The following GOLGA7B variants were observed in gnomAD, a reference collection of about 807,000 sequenced individuals.
GOLGA7B encodes the protein golgin A7 family member B.
In GOLGA7B, 17 loss-of-function variants were observed where a neutral mutation model predicts 21.5. The ratio of observed to expected loss-of-function variants is 0.79; its 90% CI spans 0.54 to 1.19. GOLGA7B has a LOEUF of 1.19. Among genes scored for constraint, GOLGA7B ranks in the 50% most tolerant of loss-of-function variants. GOLGA7B has a pLI of 0.00. For missense variants in GOLGA7B, 169 were observed against 224.4 expected (o/e 0.75, Z 1.58); for synonymous variants, 87 against 84.0 (o/e 1.04, Z -0.19).
In GOLGA7B at chr10:97,864,068, A is replaced by G. The variant is rs777839323; in HGVS notation, c.277A>G (p.Thr93Ala). ...CTACTTCATCTTCCTCTGCATGGAG[A>G]CCCACTATGAGAAGGTGGCCCCTCC... is the stretch of plus-strand genomic sequence containing the variant. ...TAYFIFLCME[T>A]HYEKVLKKIS... Residue 93 changes from threonine (T) to alanine (A), a missense_variant, in exon 3 of 5, where the codon ACC (threonine) becomes GCC (alanine). Transcript: ENST00000370602. The G allele has an allele frequency of 6.2e-7, 1 of 1,613,870 alleles. No individual in the cohort carries two copies. The highest frequency in any genetic ancestry group is 1.3e-5 in the African/African-American group (1 of 74,980).
chr10:97,861,507 C>T (rs2049970978), intron 2 of GOLGA7B, among the ~76,000 whole-genome samples: 1 of 152,240 alleles, frequency 6.6e-6, no homozygotes, highest in African/African-American at 2.4e-5. Context: ...AGGGCTCTGC[C>T]TACAGCCTCT....
intron 2 of GOLGA7B, among the ~76,000 whole-genome samples, chr10:97,862,828 G>T (rs975740745): frequency 1.3e-5 from 2 of 152,042 alleles, no homozygotes; most frequent in African/African-American, 2.4e-5. Context: ...CTGGGCACAG[G>T]GGGAGGCTGT....
At position 97,865,667 on chromosome 10, in the gene GOLGA7B, C is replaced by A. The variant is rs530051798; in HGVS notation, c.471C>A (p.Ser157Arg). The A allele has an allele frequency of 6.2e-7, 1 of 1,610,070 alleles. No homozygotes were observed. Among genetic ancestry groups the A allele is most frequent in the African/African-American group, 1.3e-5 (1 of 74,962 alleles). Residue 157 changes from serine (S) to arginine (R), a missense_variant, in exon 5 of 5, where the codon AGC (serine) becomes AGA (arginine). Physicochemically the swap from Ser to Arg is moderately radical, Grantham distance 110 (BLOSUM62 -1). Coordinates refer to ENST00000370602, the MANE Select transcript of GOLGA7B (RefSeq NM_001010917.3). ...GCAGCAGCAGCGGCAGTGGCAGCAG[C>A]AGCGGTGGGGGTGGTGGGGCGGGGG... Reference protein sequence around the residue: ...SSGSSSGSGSSSGGGGGAGAR With the variant: ...SSGSSSGSGSRSGGGGGAGAR
Position 97,865,614 on chromosome 10 carries a change from C to T in GOLGA7B, c.418C>T (p.Arg140Trp), listed in dbSNP as rs747412494. ...GATTGAGATCTCCATCTACGAGGAC[C>T]GGTGCAGCAGTGGCAGCTCCAGCAG... ...RVIEISIYED[R>W]CSSGSSSSGS... The change falls in exon 5 of 5, where the codon CGG becomes TGG. Residue 140 changes from arginine (R) to tryptophan (W), a missense_variant. Arg to Trp is a moderately radical substitution (Grantham distance 101). Coordinates refer to ENST00000370602, the MANE Select transcript of GOLGA7B (RefSeq NM_001010917.3). 2.6e-5 allele frequency: 42 copies of T among 1,613,384 alleles called. No homozygotes were observed. Among genetic ancestry groups the T allele is most frequent in the African/African-American group, 5.3e-5 (4 of 74,922 alleles).
At position 97,870,562 on chromosome 10, in the gene GOLGA7B, T is replaced by A. The variant is rs187244189; in HGVS notation, c.*4862T>A. 1 of 152,190 alleles carries A rather than the reference T, an allele frequency of 6.6e-6. No individual in the cohort carries two copies. The highest frequency in any genetic ancestry group is 2.4e-5 in the African/African-American group (1 of 41,442). The allele number at this position is 152,190 out of a possible 1,614,324, so 9.4% of individuals were successfully genotyped here. A position where few individuals can be genotyped will look rare whatever the true frequency, so the allele number is the denominator to read the frequency against. ...CTTCATGAGAATTCACTGAGCTGTA[T>A]ACTTAAGAGCTGTGTATTTGTCTGT... On this transcript the variant is annotated 3_prime_UTR_variant, in exon 5 of 5. Transcript: ENST00000370602.
intron 4 of GOLGA7B, chr10:97,865,333 G>A (rs568763530): frequency 1.0e-3 from 506 of 490,892 alleles, no homozygotes; most frequent in Non-Finnish European, 1.5e-3. Flanking sequence ...GCGCCATCAG[G>A]GCAGCGACCC....
chr10:97,855,652 G>T (rs2049930697), intron 1 of GOLGA7B, among the ~76,000 whole-genome samples: 3 of 152,274 alleles, frequency 2.0e-5, no homozygotes, highest in South Asian at 4.1e-4. Flanking sequence ...TTCATAAGTT[G>T]GTTTTAGAGG....
rs1238570994 is a variant in GOLGA7B at position 97,850,266 on chromosome 10, C to T, written c.-38C>T. 2.1e-6 allele frequency: 3 copies of T among 1,459,542 alleles called. No homozygotes were observed. The highest frequency in any genetic ancestry group is 2.9e-5 in the African/African-American group (2 of 67,962). 90.4% of individuals were successfully genotyped at this position (1,459,542 alleles called of 1,614,324 possible). A position where few individuals can be genotyped will look rare whatever the true frequency, so the allele number is the denominator to read the frequency against. On this transcript the variant is annotated 5_prime_UTR_variant, in exon 1 of 5. Transcript: ENST00000370602. ...GGGTCAGCACCGCGGAGACCCCCCT[C>T]GCCCGGCCCCGCGACAGCCTCCGAG... is the stretch of plus-strand genomic sequence containing the variant.
rs753443776 is a variant in GOLGA7B at position 97,871,018 on chromosome 10, G to T, written c.*5318G>T. 7.9e-5 allele frequency: 12 copies of T among 152,180 alleles called. No individual in the cohort carries two copies. Among genetic ancestry groups the T allele is most frequent in the Non-Finnish European group, 1.6e-4 (11 of 68,036 alleles). 9.4% of individuals were successfully genotyped at this position (152,180 alleles called of 1,614,324 possible). ...TAAGAAACTGGCCATGAATGTGCTT[G>T]GCATGAAAGAGATGCTTGGTAATGT... On this transcript the variant is annotated 3_prime_UTR_variant, in exon 5 of 5. Transcript: ENST00000370602.
At chr10:97,856,769 A>G (rs1436460789) in intron 1 of GOLGA7B, among the ~76,000 whole-genome samples, 4 of 151,996 alleles carry the variant, frequency 2.6e-5, no homozygotes, top group African/African-American at 9.7e-5. Context: ...AATAATAGCT[A>G]TTCTGATTGG....
Position 97,869,568 on chromosome 10 carries a change from CT to C in GOLGA7B, c.*3871del. ...AGCACCCTGCTGTCTGGCTTCCTTC[CT>C]TTGGCCACAGGGCGGGTGTGTGTGA... is the stretch of plus-strand genomic sequence containing the variant. On this transcript the variant is annotated 3_prime_UTR_variant, in exon 5 of 5. Transcript: ENST00000370602. 1 of 152,526 alleles carries C rather than the reference CT, an allele frequency of 6.6e-6. No homozygotes were observed. Among genetic ancestry groups the C allele is most frequent in the Non-Finnish European group, 1.5e-5 (1 of 68,182 alleles). 9.4% of individuals were successfully genotyped at this position (152,526 alleles called of 1,614,324 possible).
rs1288342976 is a variant in GOLGA7B, at chr10:97,864,088, C to T, written c.291+6C>T. On this transcript the variant is annotated splice_donor_region_variant and intron_variant, in intron 3 of 4. Transcript: ENST00000370602. ...TGGAGACCCACTATGAGAAGGTGGC[C>T]CCTCCCGCCCCACCGTGCATCCCTT... is the stretch of plus-strand genomic sequence containing the variant. 4.3e-6 allele frequency: 7 copies of T among 1,613,754 alleles called. No homozygotes were observed. The South Asian group carries it at 4.4e-5, about 10-fold the overall frequency.
At chr10:97,853,375 C>T (rs2049915400) in intron 1 of GOLGA7B, among the ~76,000 whole-genome samples, 1 of 152,172 alleles carries the variant, frequency 6.6e-6, no homozygotes, top group Non-Finnish European at 1.5e-5. Flanking sequence ...TCCTGTTGGA[C>T]TTGGGCAGAC....
intron 2 of GOLGA7B, among the ~76,000 whole-genome samples, chr10:97,862,069 A>T (rs2049974707): frequency 6.6e-6 from 1 of 152,228 alleles, no homozygotes; most frequent in South Asian, 2.1e-4. Flanking sequence ...TACTATTTTG[A>T]CACTGTGACA....
At chr10:97,851,062 C>T (rs1451057952) in intron 1 of GOLGA7B, among the ~76,000 whole-genome samples, 2 of 152,064 alleles carry the variant, frequency 1.3e-5, no homozygotes, top group African/African-American at 2.4e-5. Context: ...ATTGCCCTTT[C>T]CCCCCTCATT....
Position 97,867,976 on chromosome 10 carries a change from C to T in GOLGA7B, c.*2276C>T, listed in dbSNP as rs527413228. ...GTGGGGGAACAGGTTGGACTGAAAGCGAGGCCAAAAGTAATCAATTAATGA... is the reference window on the plus strand; with the variant it reads ...GTGGGGGAACAGGTTGGACTGAAAGTGAGGCCAAAAGTAATCAATTAATGA... On this transcript the variant is annotated 3_prime_UTR_variant, in exon 5 of 5. Coordinates refer to ENST00000370602, the MANE Select transcript of GOLGA7B (RefSeq NM_001010917.3). The T allele has an allele frequency of 2.0e-5, 3 of 152,310 alleles. No individual in the cohort carries two copies. Among genetic ancestry groups the T allele is most frequent in the Admixed American group, 1.3e-4 (2 of 15,294 alleles). 9.4% of individuals were successfully genotyped at this position (152,310 alleles called of 1,614,324 possible).
Position 97,851,524 on chromosome 10 carries a change from C to G in GOLGA7B, c.12+1209C>G, listed in dbSNP as rs142026454. On this transcript the variant is annotated intron_variant, in intron 1 of 4. Transcript: ENST00000370602. ...TGTGAGGGCAAGCCCTGGGCAGACC[C>G]TGGGAGCTTGGTTTCTAGAGTAGAG... Among the ~76,000 whole-genome samples the G allele has an allele frequency of 2.2e-3, 333 of 152,298 alleles. 3 individuals are homozygous for G. Among genetic ancestry groups the G allele is most frequent in the African/African-American group, 6.3e-3 (262 of 41,556 alleles).
rs1278203200 is a variant in GOLGA7B at position 97,870,244 on chromosome 10, C to G, written c.*4544C>G. On this transcript the variant is annotated 3_prime_UTR_variant, in exon 5 of 5. Transcript: ENST00000370602. ...TTAATGTGAAGGTAAGGCTGAGAAT[C>G]CCTGGTTTTGACAGTACCTATAGCC... 1 of 152,118 alleles carries G rather than the reference C, an allele frequency of 6.6e-6. No homozygotes were observed. Among genetic ancestry groups the G allele is most frequent in the Non-Finnish European group, 1.5e-5 (1 of 68,036 alleles). The allele number at this position is 152,118 out of a possible 1,614,324, so 9.4% of individuals were successfully genotyped here.
At chr10:97,861,268 C>A (rs1487655819) in intron 2 of GOLGA7B, among the ~76,000 whole-genome samples, 2 of 152,164 alleles carry the variant, frequency 1.3e-5, no homozygotes, top group Admixed American at 6.5e-5. Flanking sequence ...GCTTAAGTGC[C>A]CCGCCTCTCT....
Sources: gnomAD v4.1 joint callset for allele counts (sites outside exome capture counted in the v4.1 genomes callset) on GRCh38, gnomAD v4.1.1 for gene constraint, MANE v1.5 for transcripts, NCBI Gene and HGNC (gene_info 2026-07-23, HGNC 2026-07-21) for gene names.